Variants in GULP1 observed in about 807,000 individuals in gnomAD.
The protein encoded by GULP1 is PTB domain-containing engulfment adapter protein 1.
Under a neutral mutation model 40.9 loss-of-function variants are expected in GULP1, and 19 were observed. That is an observed-to-expected ratio of 0.46 (90% confidence interval 0.32 to 0.68). GULP1 has a LOEUF of 0.68. Among genes scored for constraint, GULP1 ranks in the 30% least tolerant of loss-of-function variants. GULP1 has a pLI of 0.03. For synonymous variants in GULP1, 119 were observed against 117.6 expected (o/e 1.01, Z -0.08); for missense variants, 312 against 362.2 (o/e 0.86, Z 1.12).
chr2:188,509,199 T>C (rs1236582582), intron 4 of GULP1, among the ~76,000 whole-genome samples: 9 of 152,102 alleles, frequency 5.9e-5, no homozygotes, highest in African/African-American at 2.2e-4. Flanking sequence ...CAGAGCCTGC[T>C]CTCCCTAGTG....
intron 7 of GULP1, among the ~76,000 whole-genome samples, chr2:188,558,186 A>G (rs1192471158): frequency 1.3e-5 from 2 of 151,558 alleles, no homozygotes; most frequent in Non-Finnish European, 2.9e-5. Context: ...CTGTGTCCCC[A>G]CCTAAATCTC....
At chr2:188,571,762 G>A (rs772581605) in intron 9 of GULP1, among the ~76,000 whole-genome samples, 40 of 152,116 alleles carry the variant, frequency 2.6e-4, no homozygotes, top group Non-Finnish European at 5.1e-4. Flanking sequence ...AAATATGCTA[G>A]GAGAATAAGA....
chr2:188,507,074 G>C (rs1169556815), intron 4 of GULP1, among the ~76,000 whole-genome samples: 4 of 151,886 alleles, frequency 2.6e-5, no homozygotes, highest in African/African-American at 9.7e-5. Flanking sequence ...ATTCTTTCCT[G>C]AAGGCTCCTG....
intron 4 of GULP1, among the ~76,000 whole-genome samples, chr2:188,520,380 A>G (rs1021983398): frequency 6.6e-6 from 1 of 152,000 alleles, no homozygotes; most frequent in Non-Finnish European, 1.5e-5. Flanking sequence ...TACTAAAAAT[A>G]CAAAAATTAC....
chr2:188,488,117 C>T (rs1272944217), intron 4 of GULP1, among the ~76,000 whole-genome samples: 2 of 151,986 alleles, frequency 1.3e-5, no homozygotes, highest in East Asian at 3.9e-4. Context: ...TTTAACTAAA[C>T]CTGCCCAATA....
chr2:188,343,469 T>C (rs1403245376), intron 1 of GULP1, among the ~76,000 whole-genome samples: 1 of 152,196 alleles, frequency 6.6e-6, no homozygotes, highest in Non-Finnish European at 1.5e-5. Flanking sequence ...CGTCCTCTTA[T>C]CTGATAGCAT....
intron 2 of GULP1, among the ~76,000 whole-genome samples, chr2:188,471,233 G>C (rs2060563783): frequency 6.6e-6 from 1 of 151,986 alleles, no homozygotes; most frequent in Non-Finnish European, 1.5e-5. Context: ...ATCAGTCTAT[G>C]AGTGCCTTTA....
chr2:188,467,789 T>C (rs553787667), intron 2 of GULP1, among the ~76,000 whole-genome samples: 35 of 152,178 alleles, frequency 2.3e-4, no homozygotes, highest in Admixed American at 1.1e-3. Context: ...AAAAAATAAA[T>C]GATTAAGTCA....
At chr2:188,299,306 C>A (rs1034117314) in intron 1 of GULP1, among the ~76,000 whole-genome samples, 1 of 151,846 alleles carries the variant, frequency 6.6e-6, no homozygotes, top group East Asian at 1.9e-4. Flanking sequence ...AAGCTAGGGA[C>A]AAGGAGATGT....
At chr2:188,396,146 G>A (rs1031085725) in intron 2 of GULP1, among the ~76,000 whole-genome samples, 1 of 152,224 alleles carries the variant, frequency 6.6e-6, no homozygotes, top group African/African-American at 2.4e-5. Context: ...GGATGCTGTA[G>A]AAGTGGTGGG....
chr2:188,450,322 AG>A (rs1275269757), intron 2 of GULP1, among the ~76,000 whole-genome samples: 4 of 152,160 alleles, frequency 2.6e-5, no homozygotes, highest in African/African-American at 9.7e-5. Flanking sequence ...TAATCACTCT[AG>A]GTTTATAATA....
intron 2 of GULP1, among the ~76,000 whole-genome samples, chr2:188,457,905 A>G (rs2059396476): frequency 6.6e-6 from 1 of 152,188 alleles, no homozygotes. Context: ...TAAGGTCATT[A>G]TAATTGTACA....
chr2:188,385,304 C>A (rs1036458642), intron 2 of GULP1, among the ~76,000 whole-genome samples: 3 of 152,166 alleles, frequency 2.0e-5, no homozygotes, highest in African/African-American at 7.2e-5. Context: ...GGGGCTTGCA[C>A]CCTCTAAAGC....
rs138931105 is a variant in GULP1, at chr2:188,557,777, G to A, written c.400-11462G>A. 5.3e-3 allele frequency among the ~76,000 whole-genome samples: 814 copies of A among 152,254 alleles called. 7 individuals carry two copies. The highest frequency in any genetic ancestry group is 0.018 in the African/African-American group (766 of 41,554). ...GGGCTCCAATCTTGCAGCAAGGCTC[G>A]CTTCTTACATTCTGTGTATCTGCAG... On this transcript the variant is annotated intron_variant, in intron 7 of 11. Transcript: ENST00000409830.
chr2:188,377,096 T>G (rs2048387999), intron 1 of GULP1, among the ~76,000 whole-genome samples: 1 of 151,364 alleles, frequency 6.6e-6, no homozygotes, highest in African/African-American at 2.4e-5. Flanking sequence ...TGCTTGAACC[T>G]GGGAGGCGGA....
chr2:188,484,844 T>C (rs1395118677), intron 4 of GULP1, among the ~76,000 whole-genome samples: 2 of 152,150 alleles, frequency 1.3e-5, no homozygotes, highest in African/African-American at 4.8e-5. Context: ...AAATCTGAAA[T>C]ATTTTCTGTG....
chr2:188,300,224 T>A (rs2035883803), intron 1 of GULP1, among the ~76,000 whole-genome samples: 1 of 152,178 alleles, frequency 6.6e-6, no homozygotes, highest in Non-Finnish European at 1.5e-5. Context: ...ATTAACTATA[T>A]TGGGAGGAGT....
At chr2:188,362,592 T>G (rs2046240782) in intron 1 of GULP1, among the ~76,000 whole-genome samples, 1 of 152,148 alleles carries the variant, frequency 6.6e-6, no homozygotes, top group Non-Finnish European at 1.5e-5. Context: ...GTGTTAAAGG[T>G]CTGTTGCTTG....
chr2:188,412,774 A>G (rs1053196673), intron 2 of GULP1, among the ~76,000 whole-genome samples: 5 of 152,162 alleles, frequency 3.3e-5, no homozygotes, highest in Admixed American at 2.6e-4. Flanking sequence ...TTTTAGTAAC[A>G]AGTAGGTATG....
Sources: allele counts gnomAD v4.1 joint callset (sites outside exome capture counted in the v4.1 genomes callset), GRCh38; gene constraint gnomAD v4.1.1; transcripts MANE v1.5; gene names NCBI Gene and HGNC (gene_info 2026-07-23, HGNC 2026-07-21).